The following HMGB1 variants were observed in gnomAD, a reference collection of about 807,000 sequenced individuals.
The protein encoded by HMGB1 is high mobility group box 1.
For synonymous variants in HMGB1, 81 were observed against 84.0 expected, an observed-to-expected ratio of 0.96 and a Z score of 0.19; for missense variants, 79 against 253.5, an observed-to-expected ratio of 0.31 and a Z score of 4.67.
At chr13:30,591,321 C>G (rs1320227487) in intron 1 of HMGB1, among the ~76,000 whole-genome samples, 1 of 152,008 alleles carries the variant, frequency 6.6e-6, no homozygotes, top group Non-Finnish European at 1.5e-5. Flanking sequence ...TGTGAACCAT[C>G]GCGCCTGGCC....
chr13:30,484,073 C>G (rs1887302453), intron 1 of HMGB1, among the ~76,000 whole-genome samples: 1 of 152,158 alleles, frequency 6.6e-6, no homozygotes, highest in African/African-American at 2.4e-5. Context: ...AACCTTACAC[C>G]TGTCCAACTC....
chr13:30,463,462 C>CT lies in HMGB1; in HGVS notation c.150+68dup, dbSNP rs895734079. 152 of 1,543,354 alleles carry CT rather than the reference C, an allele frequency of 9.8e-5. 1 individual carries two copies. The highest frequency in any genetic ancestry group is 7.2e-4 in the African/African-American group (52 of 72,380). ...TCCCACTACGAGAATGCCAACTAGG[C>CT]TTTTTTTTGCATCCTCAATTGGAAA... On this transcript the variant is annotated intron_variant, in intron 2 of 4. Transcript: ENST00000341423.
At chr13:30,521,490 G>A (rs1474046170) in intron 1 of HMGB1, among the ~76,000 whole-genome samples, 1 of 152,060 alleles carries the variant, frequency 6.6e-6, no homozygotes, top group African/African-American at 2.4e-5. Flanking sequence ...TTTGTGACTG[G>A]CTTCCTTTCC....
chr13:30,553,729 T>C (rs1869541074), intron 1 of HMGB1: 17 of 1,238,146 alleles, frequency 1.4e-5, no homozygotes, highest in Non-Finnish European at 2.0e-5. Context: ...CGCTGGCAGC[T>C]GCCGTACTTG....
At chr13:30,506,595 G>A (rs941318463) in intron 1 of HMGB1, among the ~76,000 whole-genome samples, 31 of 152,116 alleles carry the variant, frequency 2.0e-4, no homozygotes, top group South Asian at 2.1e-4. Context: ...CTGCCTCTCC[G>A]CGGGCACTTT....
intron 1 of HMGB1, among the ~76,000 whole-genome samples, chr13:30,570,598 G>A (rs1870386461): frequency 6.6e-6 from 1 of 152,076 alleles, no homozygotes; most frequent in Non-Finnish European, 1.5e-5. Context: ...CTTTCTACAT[G>A]GTACACTTCT....
At chr13:30,478,856 C>G (rs1418801096) in intron 1 of HMGB1, among the ~76,000 whole-genome samples, 1 of 101,074 alleles carries the variant, frequency 9.9e-6, no homozygotes, top group East Asian at 3.0e-4. Flanking sequence ...TTTCTTTTTT[C>G]TTTTCTTTTC....
At chr13:30,535,707 T>C (rs923550684) in intron 1 of HMGB1, among the ~76,000 whole-genome samples, 75 of 152,316 alleles carry the variant, frequency 4.9e-4, no homozygotes, top group African/African-American at 1.7e-3. Context: ...CTGGCCAACA[T>C]GGCGAAACCA....
At chr13:30,584,150 C>T (rs529720554) in intron 1 of HMGB1, among the ~76,000 whole-genome samples, 2 of 151,744 alleles carry the variant, frequency 1.3e-5, no homozygotes, top group South Asian at 4.2e-4. Context: ...ACTTCTTTAC[C>T]CTAATCAACA....
chr13:30,498,777 AG>A (rs1222380778), intron 1 of HMGB1, among the ~76,000 whole-genome samples: 1 of 151,564 alleles, frequency 6.6e-6, no homozygotes, highest in Non-Finnish European at 1.5e-5. Context: ...CCTCCCGAGT[AG>A]CTGGGACTAC....
At chr13:30,511,529 G>A (rs943344687) in intron 1 of HMGB1, among the ~76,000 whole-genome samples, 3 of 152,148 alleles carry the variant, frequency 2.0e-5, no homozygotes, top group Non-Finnish European at 2.9e-5. Flanking sequence ...CTGCAGAATC[G>A]TGAGCCAAAT....
chr13:30,561,979 C>T (rs1869971895), intron 1 of HMGB1, among the ~76,000 whole-genome samples: 1 of 152,156 alleles, frequency 6.6e-6, no homozygotes, highest in African/African-American at 2.4e-5. Flanking sequence ...ACTGCATCAT[C>T]TCCCTGGTTA....
chr13:30,511,698 T>A (rs765475304), intron 1 of HMGB1, among the ~76,000 whole-genome samples: 28 of 152,204 alleles, frequency 1.8e-4, no homozygotes, highest in Non-Finnish European at 2.5e-4. Context: ...GGGCCTTGCA[T>A]GTCCCATCTA....
intron 1 of HMGB1, among the ~76,000 whole-genome samples, chr13:30,520,633 A>G (rs935411462): frequency 1.3e-5 from 2 of 152,186 alleles, no homozygotes; most frequent in Admixed American, 1.3e-4. Context: ...AAATAAATAA[A>G]TAAAATAAAA....
At chr13:30,504,225 C>T (rs140631439) in intron 1 of HMGB1, among the ~76,000 whole-genome samples, 3 of 152,282 alleles carry the variant, frequency 2.0e-5, no homozygotes, top group African/African-American at 7.2e-5. Context: ...TGAATTACCC[C>T]ACCCCAGCCT....
In HMGB1 at chr13:30,537,123, C is replaced by G. The variant is rs188520863; in HGVS notation, c.-14-73429G>C. 7.2e-5 allele frequency among the ~76,000 whole-genome samples: 11 copies of G among 152,292 alleles called. No homozygotes were observed. The East Asian group carries it at 2.1e-3, about 29-fold the overall frequency. On this transcript the variant is annotated intron_variant, in intron 1 of 4. Transcript: ENST00000405805. ...TTATTTTACCTTCTCAGTTGATTGA[C>G]AGTTTGGACATAATTTCCCCTTAGA...
At chr13:30,481,929 A>C (rs1887237428) in intron 1 of HMGB1, among the ~76,000 whole-genome samples, 1 of 152,056 alleles carries the variant, frequency 6.6e-6, no homozygotes, top group Non-Finnish European at 1.5e-5. Flanking sequence ...TCCCAGGTTC[A>C]AGCGATTCTC....
intron 1 of HMGB1, among the ~76,000 whole-genome samples, chr13:30,554,934 T>G (rs370625681): frequency 6.6e-6 from 1 of 151,662 alleles, no homozygotes; most frequent in Non-Finnish European, 1.5e-5. Flanking sequence ...CTAGATTGCC[T>G]CACAGTTGTT....
At chr13:30,566,251 T>C (rs1315973103) in intron 1 of HMGB1, among the ~76,000 whole-genome samples, 1 of 152,236 alleles carries the variant, frequency 6.6e-6, no homozygotes, top group African/African-American at 2.4e-5. Flanking sequence ...CAAGTTCTCA[T>C]TATACAGTAC....
Sources: allele counts gnomAD v4.1 joint callset (sites outside exome capture counted in the v4.1 genomes callset), GRCh38; gene constraint gnomAD v4.1.1; transcripts MANE v1.5; gene names NCBI Gene and HGNC (gene_info 2026-07-23, HGNC 2026-07-21).